CCDC171: variants seen among roughly 807,000 people sequenced by gnomAD.
CCDC171 encodes the protein coiled-coil domain-containing protein 171.
In CCDC171, 177 loss-of-function variants were observed where a neutral mutation model predicts 168.2. The ratio of observed to expected loss-of-function variants is 1.05; its 90% CI spans 0.93 to 1.19. The LOEUF (loss-of-function observed/expected upper bound fraction) is 1.19, where lower values mean the gene tolerates loss of function less well. Ranked by LOEUF, CCDC171 falls within the 50% of genes most tolerant of loss-of-function variation. CCDC171 has a pLI of 0.00. For synonymous variants in CCDC171, 687 were observed against 540.8 expected (o/e 1.27, Z -3.75); for missense variants, 1,991 against 1,539.0 (o/e 1.29, Z -4.91).
rs763405902 is a variant in CCDC171 at position 15,723,664 on chromosome 9, G to T, written c.1426-17G>T. Reference sequence around the variant, plus strand: ...TATATTTTCTTTCATCAGCTAAACAGCATGAATGATGTTAAGGAAAAGGCA... The same window carrying T: ...TATATTTTCTTTCATCAGCTAAACATCATGAATGATGTTAAGGAAAAGGCA... On this transcript the variant is annotated splice_polypyrimidine_tract_variant and intron_variant, in intron 12 of 25. Transcript: ENST00000380701. The T allele has an allele frequency of 6.4e-7, 1 of 1,573,612 alleles. No individual in the cohort carries two copies. Among genetic ancestry groups the T allele is most frequent in the Non-Finnish European group, 8.7e-7 (1 of 1,153,432 alleles).
At chr9:15,574,146 TC>T (rs2040448060) in intron 3 of CCDC171, among the ~76,000 whole-genome samples, 1 of 150,998 alleles carries the variant, frequency 6.6e-6, no homozygotes, top group African/African-American at 2.5e-5. Context: ...TTTCTCTTTT[TC>T]TTTTTTTTTT....
At chr9:15,563,319 G>A (rs1442317928) in intron 1 of CCDC171, among the ~76,000 whole-genome samples, 3 of 151,816 alleles carry the variant, frequency 2.0e-5, no homozygotes, top group African/African-American at 4.8e-5. Flanking sequence ...TATATTTTTA[G>A]TAGAGGTGGG....
At chr9:15,582,020 G>A (rs1296528071) in intron 4 of CCDC171, among the ~76,000 whole-genome samples, 1 of 152,170 alleles carries the variant, frequency 6.6e-6, no homozygotes, top group Non-Finnish European at 1.5e-5. Context: ...GAAAACTTTT[G>A]CAATCTATCC....
chr9:15,745,906 T>A (rs1186772992), intron 18 of CCDC171, among the ~76,000 whole-genome samples: 1 of 152,302 alleles, frequency 6.6e-6, no homozygotes, highest in East Asian at 1.9e-4. Flanking sequence ...CATCATCAGC[T>A]TTTTATTAAG....
intron 6 of CCDC171, among the ~76,000 whole-genome samples, chr9:16,024,173 C>G (rs1215703596): frequency 2.0e-5 from 3 of 151,956 alleles, no homozygotes; most frequent in Non-Finnish European, 2.9e-5. Flanking sequence ...TTGATTTTAG[C>G]CTTATAAGAC....
intron 25 of CCDC171, among the ~76,000 whole-genome samples, chr9:15,951,327 T>G (rs1294727384): frequency 1.3e-5 from 2 of 151,926 alleles, no homozygotes; most frequent in Non-Finnish European, 2.9e-5. Flanking sequence ...ATACATTTTT[T>G]TCAGCACCAC....
intron 23 of CCDC171, among the ~76,000 whole-genome samples, chr9:15,873,949 C>A (rs1817516414): frequency 6.6e-6 from 1 of 152,096 alleles, no homozygotes; most frequent in South Asian, 2.1e-4. Context: ...TGTATTTAAT[C>A]ATTAAGACTC....
At chr9:16,083,671 C>A in the CCDC171 span, among the ~76,000 whole-genome samples, 1 of 152,048 alleles carries the variant, frequency 6.6e-6, no homozygotes, top group Non-Finnish European at 1.5e-5. Context: ...TCTTAAAGGC[C>A]CAGAAATTCA....
intron 6 of CCDC171, among the ~76,000 whole-genome samples, chr9:15,617,333 T>C (rs2044155439): frequency 6.6e-6 from 1 of 152,094 alleles, no homozygotes; most frequent in South Asian, 2.1e-4. Context: ...TTATCTACCT[T>C]TGATCTTTGA....
intron 7 of CCDC171, among the ~76,000 whole-genome samples, chr9:15,648,082 G>T (rs536179451): frequency 6.6e-6 from 1 of 152,174 alleles, no homozygotes; most frequent in Admixed American, 6.5e-5. Flanking sequence ...GGGATGCAAG[G>T]CTGGTTCAAC....
chr9:15,872,356 A>G (rs1399031179), intron 23 of CCDC171, among the ~76,000 whole-genome samples: 1 of 152,034 alleles, frequency 6.6e-6, no homozygotes. Context: ...CATAAAGTTT[A>G]TTTAGAGAAT....
At chr9:15,602,092 G>A (rs2042901113) in intron 6 of CCDC171, among the ~76,000 whole-genome samples, 1 of 152,082 alleles carries the variant, frequency 6.6e-6, no homozygotes, top group African/African-American at 2.4e-5. Flanking sequence ...GCTTTTGTAA[G>A]GTAAATTTTA....
At chr9:15,991,803 C>G (rs895793989) in intron 3 of CCDC171, among the ~76,000 whole-genome samples, 2 of 152,208 alleles carry the variant, frequency 1.3e-5, no homozygotes, top group Admixed American at 1.3e-4. Context: ...ATAAACACCT[C>G]TACACAAATA....
At chr9:15,935,276 A>G (rs995004702) in intron 25 of CCDC171, among the ~76,000 whole-genome samples, 2 of 152,034 alleles carry the variant, frequency 1.3e-5, no homozygotes, top group Non-Finnish European at 2.9e-5. Context: ...AAAGAGCATG[A>G]CAGAGACTCA....
chr9:15,971,229 C>T (rs977409135), intron 25 of CCDC171, among the ~76,000 whole-genome samples: 14 of 152,082 alleles, frequency 9.2e-5, no homozygotes, highest in Non-Finnish European at 1.5e-5. Context: ...TATTATATGG[C>T]ACTTATTTTA....
chr9:16,048,462 A>G (rs796167667), intron 1 of CCDC171, among the ~76,000 whole-genome samples: 87 of 152,298 alleles, frequency 5.7e-4, no homozygotes, highest in African/African-American at 2.0e-3. Flanking sequence ...ATTACAAATT[A>G]GTGACGTTGG....
rs2059739589 is a variant in CCDC171, at chr9:15,820,765, G to T, written c.3268-25937G>T. ...CCGAATTCTACCAGAGGTACAGGAGGAGCTGGTACCATTCCTTCTGAAACT... is the reference window on the plus strand; with the variant it reads ...CCGAATTCTACCAGAGGTACAGGAGTAGCTGGTACCATTCCTTCTGAAACT... On this transcript the variant is annotated intron_variant, in intron 21 of 25. Coordinates refer to ENST00000380701, the MANE Select transcript of CCDC171 (RefSeq NM_173550.4). Among the ~76,000 whole-genome samples, 2 of 117,332 alleles carry T rather than the reference G, an allele frequency of 1.7e-5. 1 individual carries two copies. Among genetic ancestry groups the T allele is most frequent in the African/African-American group, 6.4e-5 (2 of 31,154 alleles). The allele number at this position is 117,332 out of a possible 152,430, so 77.0% of individuals were successfully genotyped here.
At chr9:16,036,837 C>A (rs1411996323) in intron 8 of CCDC171, among the ~76,000 whole-genome samples, 1 of 123,560 alleles carries the variant, frequency 8.1e-6, no homozygotes, top group East Asian at 4.2e-4. Context: ...CTATACTATT[C>A]AGCCATAAAA....
intron 9 of CCDC171, among the ~76,000 whole-genome samples, chr9:15,673,621 G>A (rs955563308): frequency 3.3e-5 from 5 of 152,148 alleles, no homozygotes; most frequent in African/African-American, 1.2e-4. Context: ...GATTTTTGTT[G>A]TTGGTTCTGT....
Sources: allele counts gnomAD v4.1 joint callset (sites outside exome capture counted in the v4.1 genomes callset), GRCh38; gene constraint gnomAD v4.1.1; transcripts MANE v1.5; gene names NCBI Gene and HGNC (gene_info 2026-07-23, HGNC 2026-07-21).